Variants in MACROD2 observed in about 807,000 individuals in gnomAD.
MACROD2 encodes the protein ADP-ribose glycohydrolase MACROD2.
Under a neutral mutation model 70.4 loss-of-function variants are expected in MACROD2, and 36 were observed. The observed-to-expected ratio is 0.51, with a 90% CI of 0.39 to 0.68. MACROD2 has a LOEUF of 0.68. Among genes scored for constraint, MACROD2 ranks in the 30% least tolerant of loss-of-function variants. MACROD2 has a pLI of 0.00. For missense variants in MACROD2, 496 were observed against 538.4 expected (o/e 0.92, Z 0.78); for synonymous variants, 172 against 178.8 (o/e 0.96, Z 0.30).
At chr20:15,652,674 G>A (rs2049663128) in intron 8 of MACROD2, among the ~76,000 whole-genome samples, 1 of 151,498 alleles carries the variant, frequency 6.6e-6, no homozygotes, top group Non-Finnish European at 1.5e-5. Flanking sequence ...TGCTAAAAGT[G>A]TGAATGCCAC....
chr20:15,527,261 A>G (rs970981345), intron 8 of MACROD2, among the ~76,000 whole-genome samples: 11 of 152,132 alleles, frequency 7.2e-5, no homozygotes, highest in Admixed American at 7.2e-4. Context: ...ATTCAAGCAA[A>G]AGGCTCCTTA....
At chr20:14,402,077 C>T (rs1400291124) in intron 3 of MACROD2, among the ~76,000 whole-genome samples, 1 of 152,094 alleles carries the variant, frequency 6.6e-6, no homozygotes, top group South Asian at 2.1e-4. Flanking sequence ...GTTTTCCTTG[C>T]ATCAATAAAC....
intron 8 of MACROD2, among the ~76,000 whole-genome samples, chr20:15,614,358 C>T (rs1474524907): frequency 6.6e-6 from 1 of 152,188 alleles, no homozygotes; most frequent in East Asian, 1.9e-4. Flanking sequence ...TGGTTACTCC[C>T]ATTGCTTGCT....
intron 5 of MACROD2, among the ~76,000 whole-genome samples, chr20:14,765,540 T>C (rs193148600): frequency 4.0e-5 from 6 of 151,888 alleles, no homozygotes; most frequent in Non-Finnish European, 8.8e-5. Context: ...TCATCAGGAG[T>C]TAGTAGATAG....
chr20:16,050,930 A>G lies in MACROD2; in HGVS notation c.*1054A>G, dbSNP rs1315044082. 6.6e-6 allele frequency: 1 copy of G among 152,230 alleles called. No individual in the cohort carries two copies. The highest frequency in any genetic ancestry group is 1.5e-5 in the Non-Finnish European group (1 of 68,050). The allele number at this position is 152,230 out of a possible 1,614,324, so 9.4% of individuals were successfully genotyped here. A position where few individuals can be genotyped will look rare whatever the true frequency, so the allele number is the denominator to read the frequency against. ...TAAATGCTGTCACTTGTTTATGCCA[A>G]GTTCAAGGCTGATTCAATGGTTGGT... On this transcript the variant is annotated 3_prime_UTR_variant, in exon 18 of 18. Coordinates refer to ENST00000684519, the MANE Select transcript of MACROD2 (RefSeq NM_001351661.2).
At chr20:14,088,387 T>C (rs986531473) in intron 3 of MACROD2, among the ~76,000 whole-genome samples, 20 of 148,862 alleles carry the variant, frequency 1.3e-4, no homozygotes, top group African/African-American at 4.7e-4. Context: ...GGCATATACA[T>C]CAATATATAT....
intron 5 of MACROD2, among the ~76,000 whole-genome samples, chr20:14,742,979 G>A (rs1314633190): frequency 6.6e-6 from 1 of 151,808 alleles, no homozygotes; most frequent in East Asian, 1.9e-4. Flanking sequence ...TTTTAGCCGG[G>A]ATGGTCTCGA....
intron 4 of MACROD2, among the ~76,000 whole-genome samples, chr20:14,501,628 A>T (rs1028393951): frequency 6.6e-6 from 1 of 152,056 alleles, no homozygotes; most frequent in Non-Finnish European, 1.5e-5. Flanking sequence ...TTATATTTGT[A>T]TGTTTCATAA....
chr20:15,663,321 C>T (rs1025338098), intron 8 of MACROD2, among the ~76,000 whole-genome samples: 1 of 150,870 alleles, frequency 6.6e-6, no homozygotes, highest in Non-Finnish European at 1.5e-5. Context: ...CTGTGACCTC[C>T]GACTCTGGGG....
At chr20:14,784,254 A>G (rs1468107207) in intron 5 of MACROD2, among the ~76,000 whole-genome samples, 1 of 151,978 alleles carries the variant, frequency 6.6e-6, no homozygotes, top group Non-Finnish European at 1.5e-5. Context: ...TTCTAGCCAC[A>G]TATGTCTGCT....
intron 6 of MACROD2, among the ~76,000 whole-genome samples, chr20:15,338,191 C>A (rs796800693): frequency 6.6e-6 from 1 of 151,790 alleles, no homozygotes; most frequent in African/African-American, 2.4e-5. Flanking sequence ...CCCAATTAGA[C>A]TGTAATATTA....
intron 6 of MACROD2, among the ~76,000 whole-genome samples, chr20:15,321,150 T>C (rs2077870367): frequency 1.9e-5 from 2 of 104,502 alleles, no homozygotes; most frequent in South Asian, 3.2e-4. Context: ...AGTCAGTTGA[T>C]AGGGCTGCCA....
At chr20:14,148,029 T>C (rs2054965040) in intron 3 of MACROD2, among the ~76,000 whole-genome samples, 1 of 152,184 alleles carries the variant, frequency 6.6e-6, no homozygotes, top group African/African-American at 2.4e-5. Flanking sequence ...ATAAGCAAAT[T>C]CACCAGATAA....
At chr20:14,483,204 A>C (rs1449654503) in intron 3 of MACROD2, among the ~76,000 whole-genome samples, 1 of 152,160 alleles carries the variant, frequency 6.6e-6, no homozygotes, top group Non-Finnish European at 1.5e-5. Context: ...GTGGGTGCCT[A>C]GTACAATGTT....
chr20:14,339,514 G>A (rs1463357755), intron 3 of MACROD2, among the ~76,000 whole-genome samples: 1 of 152,116 alleles, frequency 6.6e-6, no homozygotes, highest in Non-Finnish European at 1.5e-5. Context: ...AATTCCTGTG[G>A]GTTTATAGCC....
intron 3 of MACROD2, among the ~76,000 whole-genome samples, chr20:14,231,558 G>T (rs1051563363): frequency 1.3e-5 from 2 of 152,070 alleles, no homozygotes; most frequent in African/African-American, 4.8e-5. Flanking sequence ...ATTTGGGTTG[G>T]TTCCAAGTCT....
intron 3 of MACROD2, among the ~76,000 whole-genome samples, chr20:14,094,562 C>T (rs2054197223): frequency 6.6e-6 from 1 of 152,098 alleles, no homozygotes; most frequent in Non-Finnish European, 1.5e-5. Context: ...CTACTTCATC[C>T]TTGAATGTTA....
chr20:14,893,531 A>G (rs2122518955), intron 5 of MACROD2: 2 of 152,272 alleles, frequency 1.3e-5, no homozygotes, highest in Middle Eastern at 6.8e-3. Flanking sequence ...GAATATTTGC[A>G]TATGGAGATT....
Position 14,382,080 on chromosome 20 carries a change from G to A in MACROD2, c.272-111399G>A, listed in dbSNP as rs980053339. On this transcript the variant is annotated intron_variant, in intron 3 of 17. Coordinates refer to ENST00000684519, the MANE Select transcript of MACROD2 (RefSeq NM_001351661.2). ...GATTGATTTTTTTTTTTTTTTTTTT[G>A]AGATGGAGTCTCGCTCTGTCGCCCA... is the stretch of plus-strand genomic sequence containing the variant. 7.4e-5 allele frequency among the ~76,000 whole-genome samples: 4 copies of A among 53,818 alleles called. No individual in the cohort carries two copies. In the Admixed American group the frequency reaches 7.6e-4, roughly 10 times the overall value. The allele number at this position is 53,818 out of a possible 152,430, so 35.3% of individuals were successfully genotyped here.
Sources: gnomAD v4.1 joint callset for allele counts (sites outside exome capture counted in the v4.1 genomes callset) on GRCh38, gnomAD v4.1.1 for gene constraint, MANE v1.5 for transcripts, NCBI Gene and HGNC (gene_info 2026-07-23, HGNC 2026-07-21) for gene names.